Variants in RNF152 observed in about 807,000 individuals in gnomAD.
RNF152 encodes the protein ring finger protein 152.
Under a neutral mutation model 12.7 loss-of-function variants are expected in RNF152, and 11 were observed. The ratio of observed to expected loss-of-function variants is 0.86; its 90% CI spans 0.54 to 1.43. The LOEUF (loss-of-function observed/expected upper bound fraction) is 1.43. RNF152 is among the 40% of genes most tolerant of loss of function. RNF152 has a pLI of 0.00. For synonymous variants in RNF152, 113 were observed against 120.3 expected, an observed-to-expected ratio of 0.94 and a Z score of 0.40; for missense variants, 255 against 274.8, an observed-to-expected ratio of 0.93 and a Z score of 0.51.
intron 1 of RNF152, among the ~76,000 whole-genome samples, chr18:61,885,056 T>C (rs1209925725): frequency 6.6e-6 from 1 of 152,248 alleles, no homozygotes; most frequent in Non-Finnish European, 1.5e-5. Context: ...TTTACCTGCA[T>C]GGTTGAATTA....
rs372803025 is a variant in RNF152, at chr18:61,816,479, G to A, written c.-16C>T. 11 of 1,581,318 alleles carry A rather than the reference G, an allele frequency of 7.0e-6. No individual in the cohort carries two copies. The highest frequency in any genetic ancestry group is 1.3e-5 in the African/African-American group (1 of 74,524). On this transcript the variant is annotated 5_prime_UTR_variant, in exon 2 of 2. Transcript: ENST00000312828. ...GCGTCTCCATGGTGGACCGTGAGCA[G>A]GAAGGGCAAGGCCAAGGTGAAGGGG...
chr18:61,858,981 C>T (rs770164283), intron 1 of RNF152, among the ~76,000 whole-genome samples: 73 of 151,882 alleles, frequency 4.8e-4, no homozygotes, highest in Non-Finnish European at 9.6e-4. Flanking sequence ...GTTTCTTACG[C>T]GCCGGGTGAT....
chr18:61,848,537 C>T (rs566721505), intron 1 of RNF152, among the ~76,000 whole-genome samples: 6 of 152,190 alleles, frequency 3.9e-5, no homozygotes, highest in Non-Finnish European at 4.4e-5. Context: ...CCAGGCTGTA[C>T]GTGGCCTCAG....
chr18:61,885,981 CTTTCTTTTTTTTTTTTTT>C (rs929348202), intron 1 of RNF152, among the ~76,000 whole-genome samples: 10 of 65,880 alleles, frequency 1.5e-4, no homozygotes, highest in Non-Finnish European at 2.9e-4. Flanking sequence ...CTTTCTTTTG[CTTTCTTTTTTTTTTTTTT>C]TTTTTTTTTT....
intron 1 of RNF152, among the ~76,000 whole-genome samples, chr18:61,833,757 A>C (rs2144654630): frequency 6.6e-6 from 1 of 152,336 alleles, no homozygotes; most frequent in Middle Eastern, 3.4e-3. Flanking sequence ...AAAGAGACAA[A>C]AGCATTCTGA....
Position 61,844,067 on chromosome 18 carries a change from C to CAGA in RNF152, c.-135-27472_-135-27470dup, listed in dbSNP as rs1320691189. ...AAAAGAAAAAAGAAAGAGAGAAAGA[C>CAGA]AGAAAGAAAGGAAAGAAAGAAAGAA... On this transcript the variant is annotated intron_variant, in intron 1 of 1. Transcript: ENST00000312828. 9.0e-3 allele frequency among the ~76,000 whole-genome samples: 407 copies of CAGA among 45,332 alleles called. 5 individuals carry two copies. Among genetic ancestry groups the CAGA allele is most frequent in the African/African-American group, 0.024 (380 of 16,088 alleles). 29.7% of individuals were successfully genotyped at this position (45,332 alleles called of 152,430 possible).
At chr18:61,871,761 T>G (rs1912007275) in intron 1 of RNF152, among the ~76,000 whole-genome samples, 1 of 152,176 alleles carries the variant, frequency 6.6e-6, no homozygotes, top group South Asian at 2.1e-4. Context: ...ACCTTGGAGC[T>G]GCAGAGCCCT....
intron 1 of RNF152, among the ~76,000 whole-genome samples, chr18:61,863,390 G>A (rs939816598): frequency 5.4e-5 from 8 of 148,098 alleles, no homozygotes; most frequent in Admixed American, 2.7e-4. Context: ...AGCGGCGATC[G>A]TGCCACCGCA....
intron 1 of RNF152, among the ~76,000 whole-genome samples, chr18:61,866,315 C>G (rs758244253): frequency 4.6e-5 from 7 of 152,168 alleles, no homozygotes; most frequent in Non-Finnish European, 1.0e-4. Context: ...CACGGGGACT[C>G]GTTTATCCTC....
At chr18:61,825,609 G>GC (rs1320680444) in intron 1 of RNF152, among the ~76,000 whole-genome samples, 1 of 152,190 alleles carries the variant, frequency 6.6e-6, no homozygotes, top group Non-Finnish European at 1.5e-5. Context: ...TCTGGAGGCA[G>GC]CTGCAGACCA....
intron 1 of RNF152, among the ~76,000 whole-genome samples, chr18:61,855,309 G>T (rs961877141): frequency 2.6e-5 from 4 of 152,246 alleles, no homozygotes; most frequent in Non-Finnish European, 5.9e-5. Flanking sequence ...GGAAGTTCTG[G>T]TTCATGTAAT....
intron 1 of RNF152, among the ~76,000 whole-genome samples, chr18:61,848,199 G>C (rs887569535): frequency 2.0e-5 from 3 of 152,044 alleles, no homozygotes; most frequent in African/African-American, 7.2e-5. Context: ...AACCCTATGA[G>C]GTAGCAGGAA....
At chr18:61,838,544 CT>C (rs1416697474) in intron 1 of RNF152, among the ~76,000 whole-genome samples, 1 of 152,182 alleles carries the variant, frequency 6.6e-6, no homozygotes, top group Non-Finnish European at 1.5e-5. Flanking sequence ...AACCAACCCC[CT>C]TTTCTAGAAT....
At chr18:61,829,484 G>A (rs1276543882) in intron 1 of RNF152, among the ~76,000 whole-genome samples, 9 of 151,836 alleles carry the variant, frequency 5.9e-5, no homozygotes, top group African/African-American at 2.2e-4. Flanking sequence ...CCCAGGGAGA[G>A]AGGAGAGAGG....
chr18:61,813,520 T>C lies in RNF152; in HGVS notation c.*2332A>G, dbSNP rs1908921282. On this transcript the variant is annotated 3_prime_UTR_variant, in exon 2 of 2. Coordinates refer to ENST00000312828, the MANE Select transcript of RNF152 (RefSeq NM_173557.3). Reference sequence around the variant, plus strand: ...TAATGGCAACTCTAGCATGGGATTGTTTTTAAGTAAAAGTTCTATGGACAT... The same window carrying C: ...TAATGGCAACTCTAGCATGGGATTGCTTTTAAGTAAAAGTTCTATGGACAT... 1 of 152,188 alleles carries C rather than the reference T, an allele frequency of 6.6e-6. No homozygotes were observed. The highest frequency in any genetic ancestry group is 1.5e-5 in the Non-Finnish European group (1 of 68,038). 9.4% of individuals were successfully genotyped at this position (152,188 alleles called of 1,614,324 possible). A position where few individuals can be genotyped will look rare whatever the true frequency, so the allele number is the denominator to read the frequency against.
At chr18:61,892,026 C>G (rs1050137099) in intron 1 of RNF152, among the ~76,000 whole-genome samples, 1 of 152,164 alleles carries the variant, frequency 6.6e-6, no homozygotes, top group Non-Finnish European at 1.5e-5. Context: ...CTGAAGGTTA[C>G]GTTTTTTCAT....
chr18:61,835,293 G>A (rs964830916), intron 1 of RNF152, among the ~76,000 whole-genome samples: 2 of 152,138 alleles, frequency 1.3e-5, no homozygotes, highest in Admixed American at 6.5e-5. Context: ...ACTAGACTAC[G>A]TCTCTCCACC....
chr18:61,880,273 C>T (rs1023543479), intron 1 of RNF152, among the ~76,000 whole-genome samples: 2 of 152,178 alleles, frequency 1.3e-5, no homozygotes, highest in African/African-American at 4.8e-5. Flanking sequence ...CCAAAATTGT[C>T]CATCTTTGTT....
intron 1 of RNF152, among the ~76,000 whole-genome samples, chr18:61,870,413 C>T (rs1911939461): frequency 6.6e-6 from 1 of 152,148 alleles, no homozygotes; most frequent in South Asian, 2.1e-4. Context: ...TGGGCTGTCC[C>T]CTGCTCCAGT....
Sources: gnomAD v4.1 joint callset for allele counts (sites outside exome capture counted in the v4.1 genomes callset) on GRCh38, gnomAD v4.1.1 for gene constraint, MANE v1.5 for transcripts, NCBI Gene and HGNC (gene_info 2026-07-23, HGNC 2026-07-21) for gene names.